GAD1: variants seen among roughly 807,000 people sequenced by gnomAD.
The protein encoded by GAD1 is glutamate decarboxylase 1.
In GAD1, 35 loss-of-function variants were observed where a neutral mutation model predicts 75.2. That is an observed-to-expected ratio of 0.47 (90% CI 0.36 to 0.62). The LOEUF (loss-of-function observed/expected upper bound fraction) is 0.62. Among genes scored for constraint, GAD1 ranks in the 20% least tolerant of loss-of-function variants. GAD1 has a pLI of 0.00. For missense variants in GAD1, 490 were observed against 758.5 expected, an observed-to-expected ratio of 0.65 and a Z score of 4.16; for synonymous variants, 257 against 271.9, an observed-to-expected ratio of 0.95 and a Z score of 0.54.
In GAD1 at chr2:170,836,884, G is replaced by C; in HGVS notation, c.638+1G>C. On this transcript the variant is annotated splice_donor_variant, in intron 6 of 16. Transcript: ENST00000358196. LOFTEE classifies it high-confidence loss of function. ...TGACATCAACGGCCAATACCAACATGTAAGTCTCATATGTTTTCATATAAG... is the reference window on the plus strand; with the variant it reads ...TGACATCAACGGCCAATACCAACATCTAAGTCTCATATGTTTTCATATAAG... 1 of 1,607,090 alleles carries C rather than the reference G, an allele frequency of 6.2e-7. No individual in the cohort carries two copies.
rs1226282822 is a variant in GAD1, at chr2:170,854,545, G to C, written c.1413+523G>C. 4.6e-5 allele frequency among the ~76,000 whole-genome samples: 7 copies of C among 151,912 alleles called. No homozygotes were observed. The South Asian group carries it at 1.2e-3, about 27-fold the overall frequency. Reference sequence around the variant, plus strand: ...CCTCCAGAGTAGCTGGGACTACAGGGGCCCGCCACTACGCCCGGCTAATTT... The same window carrying C: ...CCTCCAGAGTAGCTGGGACTACAGGCGCCCGCCACTACGCCCGGCTAATTT... On this transcript the variant is annotated intron_variant, in intron 14 of 16. Coordinates refer to ENST00000358196, the MANE Select transcript of GAD1 (RefSeq NM_000817.3).
At chr2:170,856,989 C>T in intron 14 of GAD1, 29 bp from the exon 15 acceptor site, 2 of 1,581,940 alleles carry the variant, frequency 1.3e-6, no homozygotes, top group Non-Finnish European at 1.7e-6. Flanking sequence ...GAAATGCAAC[C>T]ACAAACATGA....
intron 3 of GAD1, among the ~76,000 whole-genome samples, chr2:170,824,256 GAAAAC>G (rs1029235426): frequency 6.6e-6 from 1 of 152,184 alleles, no homozygotes; most frequent in African/African-American, 2.4e-5. Flanking sequence ...GATTGTGAAA[GAAAAC>G]AAAACACCAA....
At chr2:170,828,049 AC>A in intron 3 of GAD1, among the ~76,000 whole-genome samples, 1 of 27,772 alleles carries the variant, frequency 3.6e-5, no homozygotes, top group Non-Finnish European at 6.6e-5. Flanking sequence ...TGCCATCCTC[AC>A]CCCTCCTCCT....
At chr2:170,847,937 C>A in intron 11 of GAD1, 145 bp downstream of exon 11, 1 of 748,786 alleles carries the variant, frequency 1.3e-6, no homozygotes. Context: ...CCTAGCCAGC[C>A]ATTCACAACT....
chr2:170,844,406 T>C (rs1334488529), intron 7 of GAD1, among the ~76,000 whole-genome samples: 1 of 146,722 alleles, frequency 6.8e-6, no homozygotes, highest in African/African-American at 2.5e-5. Context: ...TTTTCTTTTT[T>C]CTTTTTTTTT....
intron 3 of GAD1, among the ~76,000 whole-genome samples, chr2:170,824,023 C>A (rs1275257802): frequency 6.6e-6 from 1 of 151,998 alleles, no homozygotes; most frequent in East Asian, 1.9e-4. Flanking sequence ...AAGAGTGGGG[C>A]TTCGCTGGGT....
At chr2:170,850,021 A>G (rs900364200) in intron 12 of GAD1, among the ~76,000 whole-genome samples, 1 of 152,246 alleles carries the variant, frequency 6.6e-6, no homozygotes, top group African/African-American at 2.4e-5. Flanking sequence ...CAAAGTCACA[A>G]TGATTCATTG....
At chr2:170,850,078 G>A (rs1363317645) in intron 12 of GAD1, among the ~76,000 whole-genome samples, 1 of 152,224 alleles carries the variant, frequency 6.6e-6, no homozygotes, top group South Asian at 2.1e-4. Context: ...AGCCAGGTAG[G>A]AGTTGATGTG....
chr2:170,823,621 G>C (rs1298451798), intron 3 of GAD1, among the ~76,000 whole-genome samples: 1 of 152,062 alleles, frequency 6.6e-6, no homozygotes. Context: ...GCGGATCTTT[G>C]TTCTATAAAT....
intron 10 of GAD1, among the ~76,000 whole-genome samples, chr2:170,846,546 A>C (rs1263660320): frequency 6.6e-6 from 1 of 152,254 alleles, no homozygotes; most frequent in Non-Finnish European, 1.5e-5. Context: ...TGTATCCACA[A>C]GTCAGTGCCA....
chr2:170,858,905 C>A lies in GAD1; in HGVS notation c.1611+12C>A. 1 of 1,609,914 alleles carries A rather than the reference C, an allele frequency of 6.2e-7. No homozygotes were observed. Among genetic ancestry groups the A allele is most frequent in the Non-Finnish European group, 8.5e-7 (1 of 1,176,174 alleles). ...AAAAGCTACACAAGGTATGGACTTGCTTTTTGTCTCATCTAATCCTCTGCA... is the reference window on the plus strand; with the variant it reads ...AAAAGCTACACAAGGTATGGACTTGATTTTTGTCTCATCTAATCCTCTGCA... On this transcript the variant is annotated intron_variant, in intron 16 of 16. Coordinates refer to ENST00000358196, the MANE Select transcript of GAD1 (RefSeq NM_000817.3).
In GAD1 at chr2:170,822,133, G is replaced by T. The variant is rs753333454; in HGVS notation, c.129G>T (p.Leu43=). The change falls in exon 3 of 17, where the codon CTG becomes CTT. Residue 43 remains leucine, a synonymous_variant. Transcript: ENST00000358196. ...TGGCCCATGGATGCACCAGAAAACT[G>T]GGGCTCAAGATCTGCGGTAAGTGAC... ...CGVAHGCTRK[L]GLKICGFLQR... 60 of 1,612,434 alleles carry T rather than the reference G, an allele frequency of 3.7e-5. No individual in the cohort carries two copies. The highest frequency in any genetic ancestry group is 4.8e-5 in the Non-Finnish European group (57 of 1,179,518).
chr2:170,825,620 T>TA (rs1195209682), intron 3 of GAD1, among the ~76,000 whole-genome samples: 6 of 152,160 alleles, frequency 3.9e-5, no homozygotes, highest in African/African-American at 1.4e-4. Flanking sequence ...CACATACACA[T>TA]ACACACTCTC....
At chr2:170,827,612 G>A (rs886863455) in intron 3 of GAD1, among the ~76,000 whole-genome samples, 1 of 152,172 alleles carries the variant, frequency 6.6e-6, no homozygotes, top group Non-Finnish European at 1.5e-5. Flanking sequence ...CACTCACTCC[G>A]AGGGGCAGAG....
intron 7 of GAD1, 81 bp from the exon 8 acceptor site, chr2:170,845,425 T>G: frequency 1.1e-4 from 131 of 1,215,112 alleles, no homozygotes; most frequent in Non-Finnish European, 1.5e-4. Context: ...CCTTGTCTCT[T>G]GAGACACCAG....
rs984707898 is a variant in GAD1, at chr2:170,853,609, C to T, written c.1264-264C>T. ...TTCCCAATCTTGAAACAATCCCAGA[C>T]ACCCATACACATTTCCCCTTAGAGG... On this transcript the variant is annotated intron_variant, in intron 13 of 16. Coordinates refer to ENST00000358196, the MANE Select transcript of GAD1 (RefSeq NM_000817.3). The surrounding 1 kb of genome is among the most constrained non-coding windows in gnomAD (Gnocchi z 4.1). The T allele has an allele frequency of 1.9e-5, 8 of 430,112 alleles. No individual in the cohort carries two copies. The highest frequency in any genetic ancestry group is 1.6e-4 in the African/African-American group (8 of 49,956). The allele number at this position is 430,112 out of a possible 1,614,324, so 26.6% of individuals were successfully genotyped here. A position where few individuals can be genotyped will look rare whatever the true frequency, so the allele number is the denominator to read the frequency against.
chr2:170,823,546 C>G (rs1701947330), intron 3 of GAD1, among the ~76,000 whole-genome samples: 1 of 152,118 alleles, frequency 6.6e-6, no homozygotes, highest in Non-Finnish European at 1.5e-5. Flanking sequence ...TGGCCTTCTC[C>G]CCAGCGCAGG....
chr2:170,829,130 T>A (rs1465543735), intron 3 of GAD1: 1 of 375,728 alleles, frequency 2.7e-6, no homozygotes, highest in African/African-American at 2.1e-5. Context: ...CTTCTCTGAT[T>A]GTGTCTCCTC....
Sources: allele counts gnomAD v4.1 joint callset (sites outside exome capture counted in the v4.1 genomes callset), GRCh38; gene constraint gnomAD v4.1.1; non-coding constraint Gnocchi (gnomAD v3.1); transcripts MANE v1.5; gene names NCBI Gene and HGNC (gene_info 2026-07-23, HGNC 2026-07-21).